SPATA13: variants seen among roughly 807,000 people sequenced by gnomAD.
SPATA13 encodes the protein spermatogenesis associated 13.
A neutral mutation model predicts 104.0 loss-of-function variants in SPATA13; 50 were observed. That is an observed-to-expected ratio of 0.48 (90% CI 0.38 to 0.61). SPATA13 has a LOEUF of 0.61. Ranked by LOEUF, SPATA13 falls within the 20% of genes least tolerant of loss-of-function variation. The pLI, the probability that SPATA13 is intolerant of heterozygous loss-of-function variation, is 0.00. For synonymous variants in SPATA13, 606 were observed against 667.5 expected, an observed-to-expected ratio of 0.91 and a Z score of 1.42; for missense variants, 1,524 against 1,690.6, an observed-to-expected ratio of 0.90 and a Z score of 1.73.
At chr13:24,292,957 T>C (rs1296277991) in intron 9 of SPATA13, among the ~76,000 whole-genome samples, 1 of 126,046 alleles carries the variant, frequency 7.9e-6, no homozygotes. Flanking sequence ...GATCGCACCA[T>C]TGCACTCCAG....
At chr13:24,283,745 C>A (rs1361524022) in intron 4 of SPATA13, among the ~76,000 whole-genome samples, 2 of 152,230 alleles carry the variant, frequency 1.3e-5, no homozygotes, top group East Asian at 1.9e-4. Context: ...AGGATGGAAG[C>A]AGAATATTGG....
At chr13:24,226,228 T>A (rs892869302) in intron 2 of SPATA13, among the ~76,000 whole-genome samples, 2 of 152,216 alleles carry the variant, frequency 1.3e-5, no homozygotes, top group Non-Finnish European at 2.9e-5. Context: ...CTTCAGGCTG[T>A]CCCTGGCTTG....
At chr13:24,270,978 G>T in intron 4 of SPATA13, 2 of 1,206,162 alleles carry the variant, frequency 1.7e-6, no homozygotes, top group Non-Finnish European at 2.5e-6. Flanking sequence ...TCCTTCCCAA[G>T]TTGCAGTTCT....
chr13:23,987,627 C>T (rs1487559719), intron 2 of SPATA13, among the ~76,000 whole-genome samples: 2 of 152,118 alleles, frequency 1.3e-5, no homozygotes, highest in South Asian at 2.1e-4. Context: ...GTAAAAGCCC[C>T]GGATTTGAAA....
intron 1 of SPATA13, among the ~76,000 whole-genome samples, chr13:23,982,251 T>G (rs1157857296): frequency 6.6e-6 from 1 of 152,246 alleles, no homozygotes; most frequent in Non-Finnish European, 1.5e-5. Context: ...AGTTCAGGTA[T>G]GGACCTGGCT....
intron 3 of SPATA13, among the ~76,000 whole-genome samples, chr13:24,079,003 A>G (rs1879420493): frequency 6.6e-6 from 1 of 152,194 alleles, no homozygotes; most frequent in South Asian, 2.1e-4. Context: ...GAATTGTTCT[A>G]AAGGAAGATG....
At position 24,060,820 on chromosome 13, in the gene SPATA13, T is replaced by C. The variant is rs565840905; in HGVS notation, c.-112+43119T>C. Among the ~76,000 whole-genome samples the C allele has an allele frequency of 1.2e-4, 19 of 152,300 alleles. 1 individual carries two copies. In the South Asian group the frequency reaches 3.9e-3, roughly 32 times the overall value. The stretch of plus-strand genomic sequence containing the variant: ...GCTCATGCCTGTAATCCCAGTACTT[T>C]GGGAGGTCAGGAGTTTGAAATCAGC... On this transcript the variant is annotated intron_variant, in intron 3 of 14. Coordinates refer to the SPATA13 transcript ENST00000424834.
rs17080529 is a variant in SPATA13, at chr13:24,250,455, A to C, written c.2019+613A>C. ...TACAAAACATTTAATTAAAGACCCT[A>C]TCTTGGAGAAGTGTATACTTATTTG... On this transcript the variant is annotated intron_variant, in intron 3 of 12. Coordinates refer to ENST00000382108, the MANE Select transcript of SPATA13 (RefSeq NM_001166271.3). Among the ~76,000 whole-genome samples the C allele has an allele frequency of 2.3e-3, 352 of 152,328 alleles. 1 individual carries two copies. Among genetic ancestry groups the C allele is most frequent in the African/African-American group, 7.5e-3 (313 of 41,576 alleles).
chr13:24,118,980 A>C (rs1880945385), intron 3 of SPATA13, among the ~76,000 whole-genome samples: 1 of 146,590 alleles, frequency 6.8e-6, no homozygotes, highest in Non-Finnish European at 1.5e-5. Context: ...ATCTCGGCTT[A>C]CTGCAACCTC....
At chr13:24,124,494 C>T (rs774829156) in intron 3 of SPATA13, among the ~76,000 whole-genome samples, 7 of 152,162 alleles carry the variant, frequency 4.6e-5, no homozygotes, top group Admixed American at 1.3e-4. Flanking sequence ...CAGACTTTCT[C>T]GAAGGAAGGT....
At position 24,142,672 on chromosome 13, in the gene SPATA13, TTCTTCC is replaced by T. The variant is rs542586258; in HGVS notation, c.-111-80127_-111-80122del. 3.9e-3 allele frequency among the ~76,000 whole-genome samples: 590 copies of T among 152,264 alleles called. 2 individuals are homozygous for T. Among genetic ancestry groups the T allele is most frequent in the Non-Finnish European group, 3.8e-3 (256 of 68,006 alleles). ...CCTCCCCCTTTCCTCTTCCTCATCCTTCTTCCTCTTCCTCTTCCTCTTCCTTCTTTT... is the reference window on the plus strand; with the variant it reads ...CCTCCCCCTTTCCTCTTCCTCATCCTTCTTCCTCTTCCTCTTCCTTCTTTT... On this transcript the variant is annotated intron_variant, in intron 3 of 14. Coordinates refer to the SPATA13 transcript ENST00000424834.
rs376852922 is a variant in SPATA13 at position 24,041,887 on chromosome 13, G to T, written c.-112+24186G>T. Among the ~76,000 whole-genome samples the T allele has an allele frequency of 4.6e-5, 7 of 152,338 alleles. No homozygotes were observed. In the East Asian group the frequency reaches 9.6e-4, roughly 21 times the overall value. On this transcript the variant is annotated intron_variant, in intron 3 of 14. Transcript: ENST00000424834. ...CCAATGGAAGCTTTGCAAAGAGCAG[G>T]TGGAATCAGAGTGAGGCGTAACGGT...
chr13:24,092,459 G>A (rs980070652), intron 3 of SPATA13, among the ~76,000 whole-genome samples: 3 of 152,198 alleles, frequency 2.0e-5, no homozygotes, highest in African/African-American at 7.2e-5. Context: ...TTATATTTTA[G>A]AAGCAGAAGA....
At position 24,249,840 on chromosome 13, in the gene SPATA13, C is replaced by T. The variant is rs751595144; in HGVS notation, c.2017C>T (p.Gln673Ter). 2 of 1,595,132 alleles carry T rather than the reference C, an allele frequency of 1.3e-6. No individual in the cohort carries two copies. Among genetic ancestry groups the T allele is most frequent in the Non-Finnish European group, 1.7e-6 (2 of 1,170,024 alleles). Reference protein sequence around the residue: ...QTEELDNLLTQPASRPPMPAH... With the variant: ...QTEELDNLLT The stretch of plus-strand genomic sequence containing the variant: ...GGAGGAACTGGACAATCTTCTGACC[C>T]AAGTAAGATCTGGTGTGCACTTCCC... Residue 673 changes from glutamine (Q) to a stop codon, truncating the protein, a stop_gained and splice_region_variant, in exon 3 of 13, where the codon CAA becomes TAA. Transcript: ENST00000382108. LOFTEE classifies it high-confidence loss of function.
chr13:24,224,172 A>G lies in SPATA13; in HGVS notation c.1243A>G (p.Lys415Glu), dbSNP rs1468578265. 1.9e-6 allele frequency: 3 copies of G among 1,551,716 alleles called. No homozygotes were observed. In the East Asian group the frequency reaches 7.3e-5, roughly 38 times the overall value. The change falls in exon 2 of 13, where the codon AAA (lysine) becomes GAA (glutamate). Residue 415 changes from lysine to glutamate, a missense_variant. This residue lies in a region of SPATA13 where 1,089 missense variants were observed against 1,135.9 expected (regional missense o/e 0.96). Coordinates refer to ENST00000382108, the MANE Select transcript of SPATA13 (RefSeq NM_001166271.3). ...CACTGCCGTATTTCCTCTTGAAACC[A>G]AAAGTTCCTGGGCGGTGGAAAGCGA... ...ADTAVFPLET[K>E]SSWAVESDSS...
intron 2 of SPATA13, among the ~76,000 whole-genome samples, chr13:24,245,005 G>T (rs1873039610): frequency 6.6e-6 from 1 of 152,202 alleles, no homozygotes; most frequent in Admixed American, 6.5e-5. Flanking sequence ...TTGGACTAGG[G>T]CAGAGCTCTG....
intron 2 of SPATA13, among the ~76,000 whole-genome samples, chr13:24,006,232 A>G (rs1206880792): frequency 6.6e-6 from 1 of 152,192 alleles, no homozygotes; most frequent in Admixed American, 6.5e-5. Flanking sequence ...GGTTTTTTGT[A>G]TTACAAGTTT....
chr13:24,084,148 A>C (rs1239899860), intron 3 of SPATA13, among the ~76,000 whole-genome samples: 2 of 152,210 alleles, frequency 1.3e-5, no homozygotes, highest in Admixed American at 1.3e-4. Context: ...CCTGATCCTA[A>C]TTATCTTCCG....
At chr13:24,068,454 T>G (rs1879044922) in intron 3 of SPATA13, among the ~76,000 whole-genome samples, 1 of 152,242 alleles carries the variant, frequency 6.6e-6, no homozygotes, top group Non-Finnish European at 1.5e-5. Flanking sequence ...TGCTTGTGTC[T>G]TTATAATAGA....
Sources: gnomAD v4.1 joint callset for allele counts (sites outside exome capture counted in the v4.1 genomes callset) on GRCh38, gnomAD v4.1.1 for gene constraint, gnomAD v4.1.1 regional missense constraint, MANE v1.5 for transcripts, NCBI Gene and HGNC (gene_info 2026-07-23, HGNC 2026-07-21) for gene names.